EYS: variants seen among roughly 807,000 people sequenced by gnomAD.
EYS encodes the protein protein eyes shut homolog.
A neutral mutation model predicts 282.1 loss-of-function variants in EYS; 250 were observed. The ratio of observed to expected loss-of-function variants is 0.89; its 90% CI spans 0.80 to 0.98. The LOEUF is 0.98. Ranked by LOEUF, EYS falls within the 50% of genes least tolerant of loss-of-function variation. The pLI is 0.00. For missense variants in EYS, 4,016 were observed against 3,709.0 expected (o/e 1.08, Z -2.15); for synonymous variants, 1,355 against 1,282.9 (o/e 1.06, Z -1.20).
At position 64,104,365 on chromosome 6, in the gene EYS, A is replaced by AGT. The variant is rs151148125; in HGVS notation, c.6425-22365_6425-22364dup. Among the ~76,000 whole-genome samples the AGT allele has an allele frequency of 1.1e-4, 16 of 151,834 alleles. No individual in the cohort carries two copies. The East Asian group carries it at 1.4e-3, about 13-fold the overall frequency. On this transcript the variant is annotated intron_variant, in intron 31 of 42. Coordinates refer to ENST00000503581, the MANE Select transcript of EYS (RefSeq NM_001142800.2). ...GGTAGTAGGAAGGAGAGAGAGAGTGAGTGTGTGTGTGTGTTTGCTTATGTG... is the reference window on the plus strand; with the variant it reads ...GGTAGTAGGAAGGAGAGAGAGAGTGAGTGTGTGTGTGTGTGTTTGCTTATGTG...
intron 42 of EYS, among the ~76,000 whole-genome samples, chr6:63,725,297 G>A (rs1420182226): frequency 6.6e-6 from 1 of 152,026 alleles, no homozygotes; most frequent in Non-Finnish European, 1.5e-5. Context: ...GTGTATTAGT[G>A]TGTATGAGCT....
At chr6:64,783,480 T>C (rs566601637) in intron 22 of EYS, among the ~76,000 whole-genome samples, 2 of 152,128 alleles carry the variant, frequency 1.3e-5, no homozygotes, top group Admixed American at 6.5e-5. Context: ...TATATCTTCA[T>C]TATGTGCTAA....
chr6:64,470,703 G>A (rs560158440), intron 26 of EYS, among the ~76,000 whole-genome samples: 65 of 152,166 alleles, frequency 4.3e-4, no homozygotes, highest in African/African-American at 1.4e-3. Context: ...GCTGCAAGTT[G>A]GACAAACTTG....
intron 14 of EYS, among the ~76,000 whole-genome samples, chr6:64,977,306 G>T (rs2207962): frequency 0.35 from 53,606 of 151,732 alleles, 11,560 homozygotes; most frequent in Admixed American, 0.49. Flanking sequence ...GTTGATAAGT[G>T]ATCAGTAATT....
intron 26 of EYS, among the ~76,000 whole-genome samples, chr6:64,488,904 A>C (rs913958597): frequency 6.6e-6 from 1 of 150,950 alleles, no homozygotes; most frequent in African/African-American, 2.4e-5. Flanking sequence ...TCGTAAAGTG[A>C]TTTGTATGGT....
At chr6:65,559,911 T>C (rs1768972363) in intron 2 of EYS, among the ~76,000 whole-genome samples, 1 of 151,572 alleles carries the variant, frequency 6.6e-6, no homozygotes, top group African/African-American at 2.4e-5. Context: ...TAAAAATTAG[T>C]TCAAAGATTT....
chr6:63,827,114 G>C (rs982245574), intron 36 of EYS, among the ~76,000 whole-genome samples: 1 of 152,204 alleles, frequency 6.6e-6, no homozygotes, highest in Non-Finnish European at 1.5e-5. Context: ...AAAGCGAGCA[G>C]GGGTAGCTAT....
chr6:64,680,129 T>A (rs1230772013), intron 22 of EYS, among the ~76,000 whole-genome samples: 1 of 151,890 alleles, frequency 6.6e-6, no homozygotes, highest in African/African-American at 2.4e-5. Flanking sequence ...CCCTTAAACA[T>A]AAAATAAAGA....
chr6:64,530,843 A>C (rs9345197), intron 26 of EYS, among the ~76,000 whole-genome samples: 39,735 of 151,824 alleles, frequency 0.26, 5,646 homozygotes, highest in East Asian at 0.36. Flanking sequence ...CAGCACACAG[A>C]CTCCAAAAGC....
intron 2 of EYS, among the ~76,000 whole-genome samples, chr6:65,531,097 T>G (rs1767752175): frequency 6.6e-6 from 1 of 152,154 alleles, no homozygotes; most frequent in Non-Finnish European, 1.5e-5. Context: ...GTGGATGACC[T>G]TACTGAAATT....
At chr6:65,178,802 T>A (rs1765295990) in intron 12 of EYS, among the ~76,000 whole-genome samples, 1 of 152,104 alleles carries the variant, frequency 6.6e-6, no homozygotes, top group Non-Finnish European at 1.5e-5. Flanking sequence ...ATTGACCGTA[T>A]AGTTGGAAGT....
chr6:65,128,394 T>A (rs1475220262), intron 12 of EYS, among the ~76,000 whole-genome samples: 1 of 151,944 alleles, frequency 6.6e-6, no homozygotes, highest in African/African-American at 2.4e-5. Context: ...CTATCTTTCT[T>A]CAATGACAAT....
At chr6:64,377,107 GGATA>G (rs376413928) in intron 29 of EYS, among the ~76,000 whole-genome samples, 1,657 of 143,324 alleles carry the variant, frequency 0.012, 30 homozygotes, top group African/African-American at 0.046. Flanking sequence ...ATAGATAGAT[GGATA>G]GATAGATAGA....
intron 11 of EYS, among the ~76,000 whole-genome samples, chr6:65,301,113 C>T (rs988650185): frequency 6.6e-6 from 1 of 152,158 alleles, no homozygotes; most frequent in African/African-American, 2.4e-5. Flanking sequence ...CTGCTACCAA[C>T]TTAGTTTGGT....
intron 13 of EYS, among the ~76,000 whole-genome samples, chr6:65,007,899 A>T (rs753657225): frequency 9.9e-5 from 15 of 152,222 alleles, no homozygotes; most frequent in Non-Finnish European, 1.6e-4. Context: ...TTGATCTGAC[A>T]TGGAGAGATA....
intron 33 of EYS, among the ~76,000 whole-genome samples, chr6:64,002,677 T>C (rs966693127): frequency 1.3e-5 from 2 of 152,152 alleles, no homozygotes; most frequent in African/African-American, 2.4e-5. Context: ...CTGGGAACTT[T>C]CCTGCTTCAG....
chr6:64,655,113 C>T (rs940002214), intron 22 of EYS, among the ~76,000 whole-genome samples: 1 of 152,146 alleles, frequency 6.6e-6, no homozygotes, highest in Non-Finnish European at 1.5e-5. Flanking sequence ...TGCTCACCTG[C>T]AGCCCTCTTC....
intron 22 of EYS, among the ~76,000 whole-genome samples, chr6:64,706,678 A>G (rs1420269170): frequency 6.6e-6 from 1 of 152,232 alleles, no homozygotes; most frequent in African/African-American, 2.4e-5. Context: ...TTCTCTAAAG[A>G]AGATATACAA....
At chr6:65,022,073 T>C (rs550326398) in intron 13 of EYS, among the ~76,000 whole-genome samples, 1 of 152,346 alleles carries the variant, frequency 6.6e-6, no homozygotes, top group South Asian at 2.1e-4. Flanking sequence ...CCAAATCATA[T>C]CAGTAATAAT....
Sources: allele counts gnomAD v4.1 joint callset (sites outside exome capture counted in the v4.1 genomes callset), GRCh38; gene constraint gnomAD v4.1.1; transcripts MANE v1.5; gene names NCBI Gene and HGNC (gene_info 2026-07-23, HGNC 2026-07-21).